SCML4: variants seen among roughly 807,000 people sequenced by gnomAD.
The protein encoded by SCML4 is Scm polycomb group protein like 4.
A neutral mutation model predicts 41.1 loss-of-function variants in SCML4; 34 were observed. The observed-to-expected ratio is 0.83, with a 90% CI of 0.63 to 1.10. SCML4 has a LOEUF of 1.10. SCML4 is among the 50% of genes least tolerant of loss of function. The probability of loss-of-function intolerance (pLI) is 0.00; values close to 1 mark genes in which losing one functional copy is unlikely to be tolerated. For synonymous variants in SCML4, 214 were observed against 220.9 expected, an observed-to-expected ratio of 0.97 and a Z score of 0.28; for missense variants, 522 against 534.1, an observed-to-expected ratio of 0.98 and a Z score of 0.22.
At chr6:107,727,922 G>A (rs371945827) in intron 5 of SCML4, among the ~76,000 whole-genome samples, 1 of 152,224 alleles carries the variant, frequency 6.6e-6, no homozygotes, top group Non-Finnish European at 1.5e-5. Flanking sequence ...TATATGTGAG[G>A]AAGCTACATG....
upstream of SCML4, among the ~76,000 whole-genome samples, chr6:107,825,967 T>C (rs1404105731): frequency 7.5e-6 from 1 of 132,946 alleles, no homozygotes; most frequent in African/African-American, 2.9e-5. Flanking sequence ...GAAAATAAGA[T>C]GGATGGGCTA....
At chr6:107,844,935 T>TAAAA in the SCML4 span, among the ~76,000 whole-genome samples, 1 of 141,678 alleles carries the variant, frequency 7.1e-6, no homozygotes, top group African/African-American at 2.8e-5. Flanking sequence ...ATATGTATAT[T>TAAAA]AAAAAAAAAA....
chr6:107,798,640 C>T (rs2114628214), intron 1 of SCML4, among the ~76,000 whole-genome samples: 1 of 151,996 alleles, frequency 6.6e-6, no homozygotes, highest in South Asian at 2.1e-4. Flanking sequence ...TTACTTTGGA[C>T]TTAATTTACT....
At position 107,707,963 on chromosome 6, in the gene SCML4, C is replaced by T. The variant is rs199533181; in HGVS notation, c.1022G>A (p.Arg341Lys). 4 of 1,551,662 alleles carry T rather than the reference C, an allele frequency of 2.6e-6. No individual in the cohort carries two copies. The highest frequency in any genetic ancestry group is 2.7e-5 in the African/African-American group (2 of 73,182). Reference protein sequence around the residue: ...DAQDARRPRSRNPSAWTVEDV... With the variant: ...DAQDARRPRSKNPSAWTVEDV... ...CTCCACAGTCCAGGCGGAGGGGTTC[C>T]TGCTCCGTGGCCGCCTGGCATCCTG... Residue 341 changes from arginine (R) to lysine (K), a missense_variant, in exon 7 of 8, where the codon AGG becomes AAG. By Grantham distance (26) the Arg-to-Lys change is conservative. Coordinates refer to ENST00000369020, the MANE Select transcript of SCML4 (RefSeq NM_198081.5).
chr6:107,720,954 A>G lies in SCML4; in HGVS notation c.722T>C (p.Val241Ala). ...VTTEEYLVNP[V>A]GMNRYSVDTS... Reference sequence around the variant, plus strand: ...GTCCACGCTGTAGCGGTTCATGCCCACAGGGTTCACCAGGTACTCTTCGGT... The same window carrying G: ...GTCCACGCTGTAGCGGTTCATGCCCGCAGGGTTCACCAGGTACTCTTCGGT... The change falls in exon 6 of 8, where the codon GTG (valine) becomes GCG (alanine). Residue 241 changes from valine (V) to alanine (A), a missense_variant. By Grantham distance (64) the Val-to-Ala change is moderately conservative. Transcript: ENST00000369020. 3.7e-6 allele frequency: 6 copies of G among 1,613,578 alleles called. No individual in the cohort carries two copies. The highest frequency in any genetic ancestry group is 5.1e-6 in the Non-Finnish European group (6 of 1,179,714).
At chr6:107,763,603 T>A (rs113221335) in intron 2 of SCML4, among the ~76,000 whole-genome samples, 6,782 of 152,194 alleles carry the variant, frequency 0.045, 331 homozygotes, top group African/African-American at 0.12. Context: ...GCTAGGCTAG[T>A]CTCAAACTCC....
Position 107,705,010 on chromosome 6 carries a change from G to A in SCML4, c.*190C>T, listed in dbSNP as rs1773464399. On this transcript the variant is annotated 3_prime_UTR_variant, in exon 8 of 8. Coordinates refer to ENST00000369020, the MANE Select transcript of SCML4 (RefSeq NM_198081.5). ...TTTGGCAAATTATGAACACAGAGGA[G>A]CCTCTCGAAAAGGTCCATGTTAAAT... is the stretch of plus-strand genomic sequence containing the variant. 1 of 652,646 alleles carries A rather than the reference G, an allele frequency of 1.5e-6. No homozygotes were observed. Among genetic ancestry groups the A allele is most frequent in the Non-Finnish European group, 2.7e-6 (1 of 374,124 alleles). 40.4% of individuals were successfully genotyped at this position (652,646 alleles called of 1,614,324 possible). A position where few individuals can be genotyped will look rare whatever the true frequency, so the allele number is the denominator to read the frequency against.
At chr6:107,829,227 A>C (rs1048364531), upstream of SCML4, among the ~76,000 whole-genome samples, 1 of 152,122 alleles carries the variant, frequency 6.6e-6, no homozygotes, top group Admixed American at 6.5e-5. Context: ...AAAAATTAGA[A>C]AGAAAAAAAT....
chr6:107,822,718 TA>T (rs1785040855), intron 1 of SCML4, among the ~76,000 whole-genome samples: 1 of 151,738 alleles, frequency 6.6e-6, no homozygotes, highest in Non-Finnish European at 1.5e-5. Flanking sequence ...TCATATTTTT[TA>T]AAAATTCTGT....
intron 5 of SCML4, chr6:107,732,256 C>T (rs1776637636): frequency 6.6e-6 from 1 of 152,262 alleles, no homozygotes; most frequent in African/African-American, 2.4e-5. Context: ...GGCCTCCTGG[C>T]CCAGCCTTTC....
intron 2 of SCML4, among the ~76,000 whole-genome samples, chr6:107,751,572 A>ACCTTTCTTTCTTTCTT (rs1778625403): frequency 1.1e-5 from 1 of 87,670 alleles, no homozygotes; most frequent in African/African-American, 4.4e-5. Flanking sequence ...CATTTTAACA[A>ACCTTTCTTTCTTTCTT]TCTTTCTTTC....
At chr6:107,843,846 G>C in the SCML4 span, among the ~76,000 whole-genome samples, 2 of 152,324 alleles carry the variant, frequency 1.3e-5, no homozygotes, top group Middle Eastern at 3.4e-3. Flanking sequence ...CTAATAAAGA[G>C]ATGGGAAGGT....
chr6:107,726,244 T>C (rs1562186581), intron 5 of SCML4, among the ~76,000 whole-genome samples: 1 of 151,210 alleles, frequency 6.6e-6, no homozygotes. Flanking sequence ...TAAGAGTTAT[T>C]CTAGCTGGGC....
intron 1 of SCML4, among the ~76,000 whole-genome samples, chr6:107,810,144 C>G (rs6933722): frequency 0.48 from 72,185 of 151,792 alleles, 18,229 homozygotes; most frequent in East Asian, 0.73. Flanking sequence ...ATCTTGGGAG[C>G]TGTGAAGAAG....
At chr6:107,724,973 ATG>A (rs1373254682) in intron 5 of SCML4, among the ~76,000 whole-genome samples, 1 of 152,216 alleles carries the variant, frequency 6.6e-6, no homozygotes, top group Non-Finnish European at 1.5e-5. Context: ...TCTCACCCAT[ATG>A]TGGGAGCTAA....
chr6:107,794,905 G>A (rs192580531), intron 1 of SCML4, among the ~76,000 whole-genome samples: 4 of 152,230 alleles, frequency 2.6e-5, no homozygotes, highest in African/African-American at 9.6e-5. Flanking sequence ...CATCACTCCA[G>A]TCCCTTCCTC....
intron 5 of SCML4, among the ~76,000 whole-genome samples, chr6:107,723,239 T>A (rs1304916827): frequency 3.3e-5 from 5 of 152,180 alleles, no homozygotes; most frequent in Non-Finnish European, 4.4e-5. Flanking sequence ...AAGTTGAAAA[T>A]GCATTTAGCA....
chr6:107,841,389 G>A, the SCML4 span, among the ~76,000 whole-genome samples: 2 of 152,142 alleles, frequency 1.3e-5, no homozygotes, highest in African/African-American at 4.8e-5. Context: ...GTTGTAAATC[G>A]GCCAAGTACC....
intron 7 of SCML4, among the ~76,000 whole-genome samples, chr6:107,706,557 C>T (rs1396720802): frequency 1.3e-5 from 2 of 152,178 alleles, no homozygotes; most frequent in Admixed American, 6.5e-5. Flanking sequence ...CCTCCATGCA[C>T]GACGTCTGGA....
Sources: allele counts gnomAD v4.1 joint callset (sites outside exome capture counted in the v4.1 genomes callset), GRCh38; gene constraint gnomAD v4.1.1; transcripts MANE v1.5; gene names NCBI Gene and HGNC (gene_info 2026-07-23, HGNC 2026-07-21).